Variants in LPXN observed in about 807,000 individuals in gnomAD.
LPXN encodes the protein leupaxin.
Under a neutral mutation model 45.6 loss-of-function variants are expected in LPXN, and 28 were observed. The ratio of observed to expected loss-of-function variants is 0.61; its 90% CI spans 0.45 to 0.84. The LOEUF (loss-of-function observed/expected upper bound fraction) is 0.84, where lower values mean the gene tolerates loss of function less well. Among genes scored for constraint, LPXN ranks in the 40% least tolerant of loss-of-function variants. The pLI is 0.00. For synonymous variants in LPXN, 166 were observed against 169.9 expected (o/e 0.98, Z 0.18); for missense variants, 459 against 475.0 (o/e 0.97, Z 0.31).
intron 7 of LPXN, among the ~76,000 whole-genome samples, chr11:58,545,162 T>C (rs1254438587): frequency 6.6e-6 from 1 of 152,164 alleles, no homozygotes; most frequent in Admixed American, 6.5e-5. Flanking sequence ...TGTATAAATA[T>C]GTTTTAAGTG....
intron 1 of LPXN, among the ~76,000 whole-genome samples, chr11:58,575,528 G>A (rs906827172): frequency 6.6e-6 from 1 of 152,204 alleles, no homozygotes; most frequent in African/African-American, 2.4e-5. Flanking sequence ...TTATTCCGCG[G>A]TTAGCACCAA....
chr11:58,536,799 A>T (rs1210634086), intron 7 of LPXN, among the ~76,000 whole-genome samples: 1 of 152,158 alleles, frequency 6.6e-6, no homozygotes, highest in Non-Finnish European at 1.5e-5. Flanking sequence ...CAAAGAACTT[A>T]AACAAATTTA....
chr11:58,546,799 T>A lies in LPXN; in HGVS notation c.742+2987A>T, dbSNP rs767085500. Among the ~76,000 whole-genome samples, 22 of 152,178 alleles carry A rather than the reference T, an allele frequency of 1.4e-4. 1 individual carries two copies. The highest frequency in any genetic ancestry group is 3.3e-4 in the Admixed American group (5 of 15,278). ...ATGTAAGGCACCAAGATGTAATATA[T>A]ATCAAATTCCAAATTGAACTGCAAA... On this transcript the variant is annotated intron_variant, in intron 7 of 8. Transcript: ENST00000395074.
At chr11:58,563,719 GA>G (rs1565202129) in intron 3 of LPXN, among the ~76,000 whole-genome samples, 2 of 152,182 alleles carry the variant, frequency 1.3e-5, no homozygotes, top group Non-Finnish European at 2.9e-5. Context: ...AATATGGAAA[GA>G]AAAAGTAAAT....
chr11:58,538,555 G>T (rs1287600361), intron 7 of LPXN, among the ~76,000 whole-genome samples: 1 of 151,968 alleles, frequency 6.6e-6, no homozygotes, highest in African/African-American at 2.4e-5. Context: ...GTGTTTTTTG[G>T]CTGCATAAAT....
Position 58,551,134 on chromosome 11 carries a change from C to A in LPXN, c.417G>T (p.Leu139Phe). The A allele has an allele frequency of 2.5e-6, 4 of 1,611,180 alleles. No individual in the cohort carries two copies. The highest frequency in any genetic ancestry group is 3.4e-6 in the Non-Finnish European group (4 of 1,178,646). The change falls in exon 5 of 9, where the codon TTG becomes TTT. Residue 139 changes from leucine (L) to phenylalanine (F), a missense_variant. Physicochemically the swap from Leu to Phe is conservative, Grantham distance 22. Coordinates refer to ENST00000395074, the MANE Select transcript of LPXN (RefSeq NM_004811.3). ...DSMLGGLEQE[L>F]QDLGIATVPK... ...GCACTGTGGCAATGCCAAGGTCCTG[C>A]AATTCCTGCTCCAGACCCCCAAGCA...
At position 58,534,580 on chromosome 11, in the gene LPXN, T is replaced by G. The variant is rs190028844; in HGVS notation, c.743-6389A>C. ...CCCACAAGAGAAAGCAGGAAAGATC[T>G]AAAATCGACACCCTAAAATCACATT... On this transcript the variant is annotated intron_variant, in intron 7 of 8. Transcript: ENST00000395074. Among the ~76,000 whole-genome samples, 513 of 152,194 alleles carry G rather than the reference T, an allele frequency of 3.4e-3. 2 individuals carry two copies. The highest frequency in any genetic ancestry group is 4.5e-3 in the Non-Finnish European group (308 of 68,006).
chr11:58,572,332 C>G (rs1189357641), intron 1 of LPXN, among the ~76,000 whole-genome samples: 1 of 151,540 alleles, frequency 6.6e-6, no homozygotes, highest in Non-Finnish European at 1.5e-5. Flanking sequence ...TCATAATCAT[C>G]CATTTATCAA....
intron 7 of LPXN, among the ~76,000 whole-genome samples, chr11:58,536,149 G>GA (rs1304947927): frequency 6.6e-6 from 1 of 152,096 alleles, no homozygotes; most frequent in African/African-American, 2.4e-5. Context: ...CATAGAATTA[G>GA]AAAAAACTAC....
chr11:58,545,367 AG>A (rs1234870195), intron 7 of LPXN, among the ~76,000 whole-genome samples: 1 of 152,126 alleles, frequency 6.6e-6, no homozygotes, highest in Non-Finnish European at 1.5e-5. Flanking sequence ...TTCTGCTTTC[AG>A]GCAACTTCTC....
intron 7 of LPXN, among the ~76,000 whole-genome samples, chr11:58,546,039 C>G (rs1853867080): frequency 6.6e-6 from 1 of 151,874 alleles, no homozygotes; most frequent in African/African-American, 2.4e-5. Flanking sequence ...ATTAACATGA[C>G]AGTTAAGAAA....
intron 7 of LPXN, among the ~76,000 whole-genome samples, chr11:58,541,504 C>A (rs1266904002): frequency 6.6e-6 from 1 of 151,438 alleles, no homozygotes; most frequent in Non-Finnish European, 1.5e-5. Context: ...CATCTCACAC[C>A]AGTTAGAATG....
chr11:58,554,174 A>G (rs1854133745), intron 4 of LPXN: 1 of 152,294 alleles, frequency 6.6e-6, no homozygotes, highest in Non-Finnish European at 1.5e-5. Context: ...TGAGCCGTGC[A>G]CAGTGGTGGG....
chr11:58,560,436 T>A (rs865785816), intron 3 of LPXN, among the ~76,000 whole-genome samples: 1 of 152,218 alleles, frequency 6.6e-6, no homozygotes, highest in African/African-American at 2.4e-5. Context: ...TAAACACATA[T>A]AATCCCCTTT....
At chr11:58,540,944 T>C (rs184587046) in intron 7 of LPXN, among the ~76,000 whole-genome samples, 6 of 152,308 alleles carry the variant, frequency 3.9e-5, no homozygotes, top group Middle Eastern at 3.4e-3. Context: ...TGGGGAAGGA[T>C]TCCCCATTTA....
chr11:58,542,580 T>C (rs1388259816), intron 7 of LPXN, among the ~76,000 whole-genome samples: 1 of 152,068 alleles, frequency 6.6e-6, no homozygotes, highest in East Asian at 1.9e-4. Context: ...CTAAATATGA[T>C]ACTATTGTTA....
chr11:58,574,875 T>C (rs556800346), intron 1 of LPXN, among the ~76,000 whole-genome samples: 57 of 152,328 alleles, frequency 3.7e-4, no homozygotes, highest in African/African-American at 1.3e-3. Context: ...ATGTGCAAGA[T>C]ATTTTTTGTT....
chr11:58,576,849 T>C (rs2134372649), upstream of LPXN, among the ~76,000 whole-genome samples: 1 of 152,334 alleles, frequency 6.6e-6, no homozygotes, highest in Non-Finnish European at 1.5e-5. Flanking sequence ...TAGTTCAGTG[T>C]AACCTCCAAC....
intron 1 of LPXN, among the ~76,000 whole-genome samples, chr11:58,571,610 G>A (rs531935528): frequency 1.7e-4 from 25 of 150,606 alleles, no homozygotes; most frequent in African/African-American, 5.6e-4. Context: ...GCAAAATCAA[G>A]TAAGATGTTG....
Sources: gnomAD v4.1 joint callset for allele counts (sites outside exome capture counted in the v4.1 genomes callset) on GRCh38, gnomAD v4.1.1 for gene constraint, MANE v1.5 for transcripts, NCBI Gene and HGNC (gene_info 2026-07-23, HGNC 2026-07-21) for gene names.